OSCP1: variants seen among roughly 807,000 people sequenced by gnomAD.
OSCP1 encodes protein OSCP1.
A neutral mutation model predicts 45.1 loss-of-function variants in OSCP1; 35 were observed. The observed-to-expected ratio is 0.78, with a 90% CI of 0.59 to 1.03. The LOEUF (loss-of-function observed/expected upper bound fraction) is 1.03, where lower values mean the gene tolerates loss of function less well. Ranked by LOEUF, OSCP1 falls within the 50% of genes least tolerant of loss-of-function variation. The pLI is 0.00. For synonymous variants in OSCP1, 179 were observed against 180.1 expected (o/e 0.99, Z 0.05); for missense variants, 400 against 470.7 (o/e 0.85, Z 1.39).
intron 1 of OSCP1, among the ~76,000 whole-genome samples, chr1:36,446,744 C>G (rs1251111980): frequency 6.6e-6 from 1 of 152,226 alleles, no homozygotes; most frequent in African/African-American, 2.4e-5. Flanking sequence ...TTGTGCTACA[C>G]TGTGATTGGC....
rs1570498349 is a variant in OSCP1 at position 36,420,603 on chromosome 1, G to A, written c.832C>T (p.Pro278Ser). 6.2e-7 allele frequency: 1 copy of A among 1,613,510 alleles called. No homozygotes were observed. Among genetic ancestry groups the A allele is most frequent in the South Asian group, 1.1e-5 (1 of 90,896 alleles). The part of the protein sequence containing the change: ...LASWTQESIA[P>S]NPLAKEELNF... The stretch of plus-strand genomic sequence containing the variant: ...AGCTCTTCTTTAGCAAGAGGGTTTG[G>A]AGCAATGCTTTCCTGCAGAAACAGT... The change falls in exon 8 of 10, where the codon CCA (proline) becomes TCA (serine). Residue 278 changes from proline to serine, a missense_variant. Pro to Ser is a moderately conservative substitution (Grantham distance 74). Transcript: ENST00000235532.
At position 36,430,414 on chromosome 1, in the gene OSCP1, G is replaced by C. The variant is rs560086428; in HGVS notation, c.516+1388C>G. On this transcript the variant is annotated intron_variant, in intron 4 of 9. Transcript: ENST00000235532. ...GGCAAGGCAGGAGGAGAGGGGCCCA[G>C]TTGGGAAGCATAGCCCACAAGAGTA... Among the ~76,000 whole-genome samples the C allele has an allele frequency of 3.9e-5, 6 of 152,274 alleles. No individual in the cohort carries two copies. The East Asian group carries it at 1.2e-3, about 29-fold the overall frequency.
chr1:36,448,798 G>T (rs999910008), intron 1 of OSCP1, among the ~76,000 whole-genome samples: 1 of 152,224 alleles, frequency 6.6e-6, no homozygotes, highest in African/African-American at 2.4e-5. Flanking sequence ...GGCAGGCAGT[G>T]GTGGAAGAAG....
At position 36,432,015 on chromosome 1, in the gene OSCP1, G is replaced by A. The variant is rs988575769; in HGVS notation, c.436-133C>T. ...AGGACTGGGCTGCTGGGCAGGAGGGGCAGCGGGGAGACCAGCAGTGCTGCC... is the reference window on the plus strand; with the variant it reads ...AGGACTGGGCTGCTGGGCAGGAGGGACAGCGGGGAGACCAGCAGTGCTGCC... On this transcript the variant is annotated intron_variant, in intron 3 of 9. Transcript: ENST00000235532. 8.2e-6 allele frequency: 6 copies of A among 734,986 alleles called. No individual in the cohort carries two copies. In the African/African-American group the frequency reaches 1.1e-4, roughly 13 times the overall value. The allele number at this position is 734,986 out of a possible 1,614,324, so 45.5% of individuals were successfully genotyped here. A position where few individuals can be genotyped will look rare whatever the true frequency, so the allele number is the denominator to read the frequency against.
Position 36,418,166 on chromosome 1 carries a change from A to G in OSCP1, c.1113T>C (p.Asp371=). The change falls in exon 10 of 10, where the codon GAT becomes GAC. Residue 371 remains aspartate, a synonymous_variant. Coordinates refer to ENST00000235532, the MANE Select transcript of OSCP1 (RefSeq NM_145047.5). ...QPRLSTSKGD[D]LLAMMDEL is the part of the protein sequence containing the mutation. ...ATAACTCATCCATCATGGCGAGCAA[A>G]TCGTCCCCTTTGCTGGTGCTCAGCC... 6.2e-7 allele frequency: 1 copy of G among 1,614,060 alleles called. No homozygotes were observed.
Position 36,435,091 on chromosome 1 carries a change from CTT to C in OSCP1, c.268-2504_268-2503del, listed in dbSNP as rs201268337. On this transcript the variant is annotated intron_variant, in intron 2 of 9. Transcript: ENST00000235532. ...CTTCCTTTTCTTTTCTTTTCTTTTT[CTT>C]TTTTTTTTTTTTTTTTTTGACATGG... Among the ~76,000 whole-genome samples, 562 of 125,748 alleles carry C rather than the reference CTT, an allele frequency of 4.5e-3. 1 individual carries two copies. The highest frequency in any genetic ancestry group is 0.016 in the African/African-American group (537 of 33,544). The allele number at this position is 125,748 out of a possible 152,430, so 82.5% of individuals were successfully genotyped here. A position where few individuals can be genotyped will look rare whatever the true frequency, so the allele number is the denominator to read the frequency against.
chr1:36,443,882 A>G, intron 1 of OSCP1: 3 of 1,090,590 alleles, frequency 2.8e-6, no homozygotes, highest in Non-Finnish European at 4.2e-6. Flanking sequence ...AGACAAACTC[A>G]TGCCTATTTT....
intron 1 of OSCP1, among the ~76,000 whole-genome samples, chr1:36,441,373 A>G (rs542571201): frequency 2.0e-5 from 3 of 152,342 alleles, no homozygotes; most frequent in African/African-American, 7.2e-5. Flanking sequence ...CCACAGGCAC[A>G]AAGAGGAAGG....
intron 5 of OSCP1, 145 bp from the exon 6 acceptor site, chr1:36,423,041 ATAC>A (rs200990551): frequency 2.0e-6 from 1 of 493,936 alleles, no homozygotes; most frequent in Non-Finnish European, 3.2e-6. Context: ...AATAATAATA[ATAC>A]AATAATAATA....
chr1:36,438,800 C>T lies in OSCP1; in HGVS notation c.223G>A (p.Ala75Thr), dbSNP rs756663980. 2 of 1,613,970 alleles carry T rather than the reference C, an allele frequency of 1.2e-6. No homozygotes were observed. The highest frequency in any genetic ancestry group is 1.7e-6 in the Non-Finnish European group (2 of 1,179,930). Reference sequence around the variant, plus strand: ...TTCAGTTTCATAATGGAGGCATGAGCCAGGCGCTCATAGACAGTCCTCAGG... The same window carrying T: ...TTCAGTTTCATAATGGAGGCATGAGTCAGGCGCTCATAGACAGTCCTCAGG... ...KALRTVYERL[A>T]HASIMKLNQA... is the part of the protein sequence containing the mutation. Residue 75 changes from alanine (A) to threonine (T), a missense_variant, in exon 2 of 10, where the codon GCT becomes ACT. Ala to Thr is a moderately conservative substitution (Grantham distance 58). Transcript: ENST00000235532.
rs1647477108 is a variant in OSCP1 at position 36,419,400 on chromosome 1, A to G, written c.960-346T>C. 6 of 292,260 alleles carry G rather than the reference A, an allele frequency of 2.1e-5. No homozygotes were observed. The South Asian group carries it at 2.4e-4, about 12-fold the overall frequency. The allele number at this position is 292,260 out of a possible 1,614,324, so 18.1% of individuals were successfully genotyped here. ...TCATGACACAGCACTGAAATAACTT[A>G]TATCTGTACACGTTCACTCTCCCAC... On this transcript the variant is annotated intron_variant, in intron 8 of 9. Coordinates refer to ENST00000235532, the MANE Select transcript of OSCP1 (RefSeq NM_145047.5).
intron 4 of OSCP1, among the ~76,000 whole-genome samples, chr1:36,430,418 G>GGAA: frequency 6.6e-6 from 1 of 152,258 alleles, no homozygotes; most frequent in South Asian, 2.1e-4. Flanking sequence ...GGCCCAGTTG[G>GGAA]GAAGCATAGC....
At position 36,432,581 on chromosome 1, in the gene OSCP1, G is replaced by A. The variant is rs1022556643; in HGVS notation, c.276C>T (p.Asp92=). The change falls in exon 3 of 10, where the codon GAC becomes GAT. Residue 92 remains aspartate (D), a synonymous_variant. Coordinates refer to ENST00000235532, the MANE Select transcript of OSCP1 (RefSeq NM_145047.5). ...GATATTTGAAAGCCATGGTCATCAG[G>A]TCATAGAGCTGCCAACCCACACACA... The part of the protein sequence containing the change: ...LNQASMDKLY[D]LMTMAFKYQV... 6.2e-7 allele frequency: 1 copy of A among 1,614,150 alleles called. No homozygotes were observed. Among genetic ancestry groups the A allele is most frequent in the Admixed American group, 1.7e-5 (1 of 60,014 alleles).
At chr1:36,421,435 G>A (rs1461864599) in intron 7 of OSCP1, among the ~76,000 whole-genome samples, 2 of 152,022 alleles carry the variant, frequency 1.3e-5, no homozygotes, top group Non-Finnish European at 2.9e-5. Context: ...CAATATCCCC[G>A]CCTCTGAAAT....
chr1:36,435,465 CAGAG>C (rs1483198504), intron 2 of OSCP1, among the ~76,000 whole-genome samples: 2 of 151,714 alleles, frequency 1.3e-5, no homozygotes, highest in African/African-American at 4.8e-5. Flanking sequence ...TTTTTAAAGG[CAGAG>C]AGAGAAGAGC....
intron 1 of OSCP1, among the ~76,000 whole-genome samples, chr1:36,446,625 A>ATAAGC (rs1009562930): frequency 2.5e-4 from 38 of 151,996 alleles, no homozygotes; most frequent in African/African-American, 8.0e-4. Context: ...ATTTGTGACA[A>ATAAGC]CTCCACTTTA....
intron 1 of OSCP1, among the ~76,000 whole-genome samples, chr1:36,448,876 T>C (rs545248006): frequency 3.9e-4 from 60 of 152,342 alleles, no homozygotes; most frequent in African/African-American, 1.4e-3. Context: ...GGACTTGGTC[T>C]TAACCCAGAT....
At chr1:36,437,890 C>A (rs1214119345) in intron 2 of OSCP1, among the ~76,000 whole-genome samples, 2 of 152,116 alleles carry the variant, frequency 1.3e-5, no homozygotes, top group Admixed American at 1.3e-4. Context: ...AGCCAGCACT[C>A]TTGTCTGGGT....
At chr1:36,440,676 G>T (rs1425556954) in intron 1 of OSCP1, 1 of 152,114 alleles carries the variant, frequency 6.6e-6, no homozygotes, top group Non-Finnish European at 1.5e-5. Context: ...AAACAAGAAA[G>T]AACCTGCAAT....
Sources: allele counts gnomAD v4.1 joint callset (sites outside exome capture counted in the v4.1 genomes callset), GRCh38; gene constraint gnomAD v4.1.1; transcripts MANE v1.5; gene names NCBI Gene and HGNC (gene_info 2026-07-23, HGNC 2026-07-21).